FAM193A: variants seen among roughly 807,000 people sequenced by gnomAD.
FAM193A encodes the protein family with sequence similarity 193 member A, also known as protein FAM193A.
A neutral mutation model predicts 126.5 loss-of-function variants in FAM193A; 22 were observed. That is an observed-to-expected ratio of 0.17 (90% CI 0.12 to 0.25). The LOEUF is 0.25. FAM193A is among the 10% of genes least tolerant of loss of function. FAM193A has a pLI of 1.00. For missense variants in FAM193A, 1,675 were observed against 1,672.8 expected (o/e 1.00, Z -0.02); for synonymous variants, 761 against 646.8 (o/e 1.18, Z -2.68).
intron 15 of FAM193A, among the ~76,000 whole-genome samples, chr4:2,691,761 G>T (rs1231060177): frequency 2.8e-5 from 4 of 141,446 alleles, no homozygotes. Flanking sequence ...GCAACATAGT[G>T]AGACCCCGTC....
rs574951265 is a variant in FAM193A at position 2,617,693 on chromosome 4, A to G, written c.502-7569A>G. The stretch of plus-strand genomic sequence containing the variant: ...CTCTACTCTCAAAGAATAGTATACC[A>G]CTTCACATGTAGTGTAAGTACCTTA... On this transcript the variant is annotated intron_variant, in intron 2 of 20. Transcript: ENST00000637812. 4.6e-5 allele frequency among the ~76,000 whole-genome samples: 7 copies of G among 152,282 alleles called. No individual in the cohort carries two copies. The South Asian group carries it at 1.5e-3, about 32-fold the overall frequency.
chr4:2,628,564 G>C (rs970542244), intron 4 of FAM193A, among the ~76,000 whole-genome samples: 4 of 152,118 alleles, frequency 2.6e-5, no homozygotes, highest in Non-Finnish European at 5.9e-5. Context: ...TTAAGCCCAG[G>C]AGTTCGGTGC....
chr4:2,639,936 G>T, intron 6 of FAM193A, 77 bp downstream of exon 6: 3 of 1,340,922 alleles, frequency 2.2e-6, no homozygotes, highest in South Asian at 3.1e-5. Flanking sequence ...GCGTGTACCC[G>T]AGTACCACTG....
intron 15 of FAM193A, among the ~76,000 whole-genome samples, chr4:2,691,867 C>G (rs1474996249): frequency 6.6e-6 from 1 of 151,846 alleles, no homozygotes; most frequent in Non-Finnish European, 1.5e-5. Flanking sequence ...TCAAACAGAG[C>G]AGTAGGGTGG....
chr4:2,635,533 A>G (rs1744003637), intron 5 of FAM193A, among the ~76,000 whole-genome samples: 1 of 152,184 alleles, frequency 6.6e-6, no homozygotes, highest in African/African-American at 2.4e-5. Context: ...CATAAATTAC[A>G]TATGTAAAAA....
chr4:2,549,483 G>A (rs943985098), intron 1 of FAM193A, among the ~76,000 whole-genome samples: 3 of 129,626 alleles, frequency 2.3e-5, no homozygotes, highest in African/African-American at 5.9e-5. Context: ...TGCAAGCTCC[G>A]CCTCCCGGGT....
At position 2,663,258 on chromosome 4, in the gene FAM193A, C is replaced by G. The variant is rs748262181; in HGVS notation, c.2049C>G (p.Asp683Glu). 2.5e-6 allele frequency: 4 copies of G among 1,605,280 alleles called. No homozygotes were observed. In the Admixed American group the frequency reaches 5.2e-5, roughly 21 times the overall value. ...CCAGGACAGAGGAGAGCAAAGCAGA[C>G]AGTCCACCCCCATCCTACCCAACAC... Reference protein sequence around the residue: ...RSPRTEESKADSPPPSYPTQQ... With the variant: ...RSPRTEESKAESPPPSYPTQQ... The change falls in exon 12 of 21, where the codon GAC becomes GAG. Residue 683 changes from aspartate (D) to glutamate (E), a missense_variant. This residue lies in a region of FAM193A where 1,186 missense variants were observed against 1,109.2 expected (regional missense o/e 1.07). Transcript: ENST00000637812.
chr4:2,575,139 C>T (rs2108866699), intron 1 of FAM193A, among the ~76,000 whole-genome samples: 1 of 152,124 alleles, frequency 6.6e-6, no homozygotes, highest in Non-Finnish European at 1.5e-5. Context: ...GCACAGCAAG[C>T]TTCAGGGCGA....
chr4:2,638,112 T>A (rs1744264712), intron 5 of FAM193A, among the ~76,000 whole-genome samples: 1 of 152,216 alleles, frequency 6.6e-6, no homozygotes, highest in Non-Finnish European at 1.5e-5. Context: ...AGGCAAAGCC[T>A]CAGCTCTTCC....
rs145569971 is a variant in FAM193A at position 2,639,812 on chromosome 4, G to A, written c.1116G>A (p.Ser372=). Residue 372 remains serine, a synonymous_variant, in exon 6 of 21, where the codon TCG becomes TCA. Coordinates refer to ENST00000637812, the MANE Select transcript of FAM193A (RefSeq NM_001366318.2). ...ACCTGTTTGAAAATCTGGTCTTTTC[G>A]GAGCCACTTCTTCAGAGCAACTTGC... The part of the protein sequence containing the change: ...NKHLFENLVF[S]EPLLQSNLPA... 17 of 1,613,958 alleles carry A rather than the reference G, an allele frequency of 1.1e-5. No individual in the cohort carries two copies. The highest frequency in any genetic ancestry group is 8.9e-5 in the East Asian group (4 of 44,898).
intron 1 of FAM193A, among the ~76,000 whole-genome samples, chr4:2,560,798 C>T (rs766226068): frequency 6.6e-6 from 1 of 152,076 alleles, no homozygotes; most frequent in Non-Finnish European, 1.5e-5. Context: ...TCTTCCCTTC[C>T]TCTTCCTCAG....
intron 2 of FAM193A, among the ~76,000 whole-genome samples, chr4:2,602,196 G>A (rs1741238362): frequency 6.7e-6 from 1 of 149,964 alleles, no homozygotes; most frequent in Non-Finnish European, 1.5e-5. Flanking sequence ...ATTGGTTGAT[G>A]CTATGGTGAA....
At chr4:2,664,134 A>C (rs1307074079) in intron 12 of FAM193A, among the ~76,000 whole-genome samples, 1 of 152,206 alleles carries the variant, frequency 6.6e-6, no homozygotes, top group Non-Finnish European at 1.5e-5. Context: ...TCTCCTTACC[A>C]GTTTTTTCTT....
intron 19 of FAM193A, among the ~76,000 whole-genome samples, chr4:2,702,090 A>G (rs139243404): frequency 1.8e-3 from 278 of 152,206 alleles, no homozygotes; most frequent in African/African-American, 6.4e-3. Context: ...GAATTTTCTA[A>G]TATTATTCTT....
intron 13 of FAM193A, among the ~76,000 whole-genome samples, chr4:2,679,750 C>G (rs1431586448): frequency 6.6e-6 from 1 of 152,022 alleles, no homozygotes; most frequent in African/African-American, 2.4e-5. Flanking sequence ...AAAGTGTTCC[C>G]TCCTCTTCAG....
chr4:2,723,902 G>A (rs1720442371), intron 20 of FAM193A, among the ~76,000 whole-genome samples: 1 of 152,134 alleles, frequency 6.6e-6, no homozygotes. Flanking sequence ...CCAGGCCCAG[G>A]TGATCTTTCC....
At chr4:2,717,446 A>G (rs571255176) in intron 20 of FAM193A, among the ~76,000 whole-genome samples, 3 of 151,972 alleles carry the variant, frequency 2.0e-5, no homozygotes, top group Non-Finnish European at 4.4e-5. Context: ...AAATACAAAA[A>G]TTACCTGGAC....
intron 19 of FAM193A, among the ~76,000 whole-genome samples, chr4:2,707,046 C>T (rs1389891325): frequency 6.6e-6 from 1 of 152,008 alleles, no homozygotes; most frequent in Admixed American, 6.6e-5. Flanking sequence ...TGCTTGAACC[C>T]AGGAGCCAGA....
chr4:2,690,978 T>C lies in FAM193A; in HGVS notation c.2803+8T>C, dbSNP rs1205973784. The C allele has an allele frequency of 6.2e-7, 1 of 1,606,638 alleles. No individual in the cohort carries two copies. The highest frequency in any genetic ancestry group is 1.1e-5 in the South Asian group (1 of 90,440). ...AGAGACCTCCTTCAGTAGGTAAGGC[T>C]TGAAGGCTCACTGGCCCTCGGGGTC... On this transcript the variant is annotated splice_region_variant and intron_variant, in intron 15 of 20. Transcript: ENST00000637812.
Sources: gnomAD v4.1 joint callset for allele counts (sites outside exome capture counted in the v4.1 genomes callset) on GRCh38, gnomAD v4.1.1 for gene constraint, gnomAD v4.1.1 regional missense constraint, MANE v1.5 for transcripts, NCBI Gene and HGNC (gene_info 2026-07-23, HGNC 2026-07-21) for gene names.